Variants in CAMTA1 observed in about 807,000 individuals in gnomAD.
CAMTA1 encodes calmodulin binding transcription activator 1, also known as calmodulin-binding transcription activator 1.
CAMTA1 carries 27 observed loss-of-function variants against 170.9 expected under a neutral mutation model. The observed-to-expected ratio is 0.16, with a 90% CI of 0.12 to 0.22. The LOEUF (loss-of-function observed/expected upper bound fraction) is 0.22, where lower values mean the gene tolerates loss of function less well. Ranked by LOEUF, CAMTA1 falls within the 10% of genes least tolerant of loss-of-function variation. The pLI is 1.00. For synonymous variants in CAMTA1, 833 were observed against 891.5 expected (o/e 0.93, Z 1.17); for missense variants, 1,619 against 2,217.2 (o/e 0.73, Z 5.42).
At chr1:7,220,865 A>G (rs2149127347) in intron 4 of CAMTA1, among the ~76,000 whole-genome samples, 1 of 152,300 alleles carries the variant, frequency 6.6e-6, no homozygotes, top group African/African-American at 2.4e-5. Flanking sequence ...AGTGGTGGAG[A>G]GGATGAGGAC....
chr1:7,009,721 T>C (rs1370883589), intron 3 of CAMTA1, among the ~76,000 whole-genome samples: 1 of 152,236 alleles, frequency 6.6e-6, no homozygotes, highest in East Asian at 1.9e-4. Flanking sequence ...GCCTCCCAGC[T>C]TGACGTGCAC....
Position 7,759,156 on chromosome 1 carries a change from A to G in CAMTA1, c.4989+3488A>G, listed in dbSNP as rs2096955947. Reference sequence around the variant, plus strand: ...AGAGTGAGACCCTGTCCCAGAAAAGAAAAGAAAAGAAAAGAAAAATAATAT... The same window carrying G: ...AGAGTGAGACCCTGTCCCAGAAAAGGAAAGAAAAGAAAAGAAAAATAATAT... On this transcript the variant is annotated intron_variant, in intron 22 of 22. Transcript: ENST00000303635. 2.0e-5 allele frequency among the ~76,000 whole-genome samples: 3 copies of G among 152,002 alleles called. No individual in the cohort carries two copies. The South Asian group carries it at 6.2e-4, about 32-fold the overall frequency.
chr1:6,967,904 T>C lies in CAMTA1; in HGVS notation c.235-123400T>C, dbSNP rs148343240. Among the ~76,000 whole-genome samples, 999 of 152,308 alleles carry C rather than the reference T, an allele frequency of 6.6e-3. 6 individuals carry two copies. Among genetic ancestry groups the C allele is most frequent in the Non-Finnish European group, 9.9e-3 (673 of 68,022 alleles). On this transcript the variant is annotated intron_variant, in intron 3 of 22. Transcript: ENST00000303635. ...CCCTGGGTGACTCAGCTCTTAGTCTTAATTATGCTGCTATGTAAATATTTC... is the reference window on the plus strand; with the variant it reads ...CCCTGGGTGACTCAGCTCTTAGTCTCAATTATGCTGCTATGTAAATATTTC...
chr1:7,747,879 T>C (rs2096867469), intron 19 of CAMTA1, 98 bp downstream of exon 19: 5 of 644,370 alleles, frequency 7.8e-6, no homozygotes, highest in Non-Finnish European at 1.3e-5. Flanking sequence ...AGTACCTCAT[T>C]ACAGAGACTT....
At chr1:7,530,467 C>G (rs1290946088) in intron 6 of CAMTA1, among the ~76,000 whole-genome samples, 5 of 152,094 alleles carry the variant, frequency 3.3e-5, no homozygotes, top group Non-Finnish European at 7.4e-5. Context: ...TTATGGAAAT[C>G]AAGCCACTCC....
rs145037945 is a variant in CAMTA1 at position 7,570,154 on chromosome 1, T to TG, written c.511-70240dup. On this transcript the variant is annotated intron_variant, in intron 6 of 22. Coordinates refer to ENST00000303635, the MANE Select transcript of CAMTA1 (RefSeq NM_015215.4). The surrounding 1 kb of genome is among the most constrained non-coding windows in gnomAD (Gnocchi z 4.3). ...AGATCAGGGATCCCTTGCTGGGCACTGGGGGGATCCAAAACTCCCTGCAGG... is the reference window on the plus strand; with the variant it reads ...AGATCAGGGATCCCTTGCTGGGCACTGGGGGGGATCCAAAACTCCCTGCAGG... 5.3e-5 allele frequency among the ~76,000 whole-genome samples: 8 copies of TG among 152,004 alleles called. No individual in the cohort carries two copies. Among genetic ancestry groups the TG allele is most frequent in the African/African-American group, 1.9e-4 (8 of 41,370 alleles).
At position 7,737,019 on chromosome 1, in the gene CAMTA1, G is replaced by A; in HGVS notation, c.3342+10G>A. The A allele has an allele frequency of 6.3e-7, 1 of 1,595,084 alleles. No individual in the cohort carries two copies. Among genetic ancestry groups the A allele is most frequent in the Non-Finnish European group, 8.6e-7 (1 of 1,163,552 alleles). On this transcript the variant is annotated intron_variant, in intron 14 of 22. Coordinates refer to ENST00000303635, the MANE Select transcript of CAMTA1 (RefSeq NM_015215.4). The stretch of plus-strand genomic sequence containing the variant: ...CTCCTGTACTCCTCTGGTAAGGAAT[G>A]GATTCCTGTAGCCCCCCCTTGCTGT...
chr1:7,736,287 CT>C lies in CAMTA1; in HGVS notation c.3067-56del. 6.9e-7 allele frequency: 1 copy of C among 1,454,388 alleles called. No homozygotes were observed. The highest frequency in any genetic ancestry group is 1.8e-4 in the Middle Eastern group (1 of 5,710). 90.1% of individuals were successfully genotyped at this position (1,454,388 alleles called of 1,614,324 possible). ...CATTTGTTTCCCCTACATCGAAGCG[CT>C]GATGGGGTCGAGGGCCTTTAGTCCT... On this transcript the variant is annotated intron_variant, in intron 12 of 22. Coordinates refer to ENST00000303635, the MANE Select transcript of CAMTA1 (RefSeq NM_015215.4). The surrounding 1 kb of genome is among the most constrained non-coding windows in gnomAD (Gnocchi z 4.5).
At chr1:6,952,128 G>C (rs1688585977) in intron 3 of CAMTA1, among the ~76,000 whole-genome samples, 1 of 152,146 alleles carries the variant, frequency 6.6e-6, no homozygotes, top group African/African-American at 2.4e-5. Flanking sequence ...AGATGTTTCT[G>C]GCATCAAATG....
intron 4 of CAMTA1, among the ~76,000 whole-genome samples, chr1:7,104,514 G>GCCAGAGGAGCTCTGGGGGAACTGGATCC (rs1299714167): frequency 1.3e-5 from 2 of 152,212 alleles, no homozygotes; most frequent in African/African-American, 4.8e-5. Flanking sequence ...AGTGTGGAGA[G>GCCAGAGGAGCTCTGGGGGAACTGGATCC]CCAGAGGAGC....
At chr1:7,256,945 C>T (rs1667471856) in intron 5 of CAMTA1, among the ~76,000 whole-genome samples, 1 of 152,110 alleles carries the variant, frequency 6.6e-6, no homozygotes, top group Non-Finnish European at 1.5e-5. Context: ...TGCATCCTTA[C>T]ATGGTGGGAG....
rs796716220 is a variant in CAMTA1, at chr1:7,564,637, C to T, written c.511-75763C>T. 1.9e-4 allele frequency among the ~76,000 whole-genome samples: 29 copies of T among 151,192 alleles called. 1 individual carries two copies. Among genetic ancestry groups the T allele is most frequent in the African/African-American group, 5.3e-4 (22 of 41,264 alleles). On this transcript the variant is annotated intron_variant, in intron 6 of 22. Transcript: ENST00000303635. ...ATGTGCGGGTATGTACGTTTGCAGG[C>T]GTGTGTGTGTGTGTGCGTGTGACCC... is the stretch of plus-strand genomic sequence containing the variant.
intron 3 of CAMTA1, among the ~76,000 whole-genome samples, chr1:6,920,866 GGAACCCTGGGCCCA>G (rs1557828587): frequency 4.6e-5 from 7 of 152,190 alleles, no homozygotes; most frequent in Admixed American, 2.6e-4. Context: ...ACACTGCACG[GGAACCCTGGGCCCA>G]GCCCACGAAA....
intron 4 of CAMTA1, among the ~76,000 whole-genome samples, chr1:7,236,486 C>T (rs746864152): frequency 3.9e-5 from 6 of 152,222 alleles, no homozygotes; most frequent in East Asian, 3.9e-4. Context: ...GTAGCTGGGG[C>T]GTGCCAGGGA....
Position 7,286,097 on chromosome 1 carries a change from G to C in CAMTA1, c.438+36471G>C, listed in dbSNP as rs743969. Among the ~76,000 whole-genome samples, 548 of 152,286 alleles carry C rather than the reference G, an allele frequency of 3.6e-3. 21 individuals carry two copies. The highest frequency in any genetic ancestry group is 0.03 in the Admixed American group (464 of 15,286). ...AGATTCTGAAGACTCAGGGACCAGC[G>C]CCACATGGTCTCTGTTCTTGAGGTG... On this transcript the variant is annotated intron_variant, in intron 5 of 22. Transcript: ENST00000303635. This position sits in a 1 kb window ranked among gnomAD's most constrained non-coding sequence, Gnocchi z 4.2.
In CAMTA1 at chr1:6,854,965, A is replaced by G. The variant is rs562858549; in HGVS notation, c.234+29755A>G. ...AGACAGGGAAAGAGAAGTTGTTTTC[A>G]CTGTCACCAATTCTGTTTATTATTT... is the stretch of plus-strand genomic sequence containing the variant. On this transcript the variant is annotated intron_variant, in intron 3 of 22. Coordinates refer to ENST00000303635, the MANE Select transcript of CAMTA1 (RefSeq NM_015215.4). Among the ~76,000 whole-genome samples the G allele has an allele frequency of 2.6e-5, 4 of 152,278 alleles. No homozygotes were observed. In the South Asian group the frequency reaches 8.3e-4, roughly 32 times the overall value.
intron 4 of CAMTA1, among the ~76,000 whole-genome samples, chr1:7,166,412 G>C (rs1648441878): frequency 6.6e-6 from 1 of 152,220 alleles, no homozygotes; most frequent in Non-Finnish European, 1.5e-5. Context: ...TTGGGTGGTA[G>C]AGTACCTATA....
chr1:7,197,004 AT>A (rs950542292), intron 4 of CAMTA1, among the ~76,000 whole-genome samples: 19 of 151,984 alleles, frequency 1.3e-4, no homozygotes, highest in Admixed American at 3.3e-4. Context: ...AACGTTAGTC[AT>A]TTTTTTTCTA....
In CAMTA1 at chr1:7,456,654, G is replaced by A. The variant is rs1160326271; in HGVS notation, c.439-11176G>A. Among the ~76,000 whole-genome samples the A allele has an allele frequency of 6.6e-6, 1 of 152,198 alleles. No individual in the cohort carries two copies. The highest frequency in any genetic ancestry group is 2.4e-5 in the African/African-American group (1 of 41,468). Reference sequence around the variant, plus strand: ...AGCCTGTTCTTTGCTGGGGCCCGCAGGGAGCCAGGTATCAGGACAGATTTC... The same window carrying A: ...AGCCTGTTCTTTGCTGGGGCCCGCAAGGAGCCAGGTATCAGGACAGATTTC... On this transcript the variant is annotated intron_variant, in intron 5 of 22. Transcript: ENST00000303635. The surrounding 1 kb of genome is among the most constrained non-coding windows in gnomAD (Gnocchi z 4.9).
Sources: gnomAD v4.1 joint callset for allele counts (sites outside exome capture counted in the v4.1 genomes callset) on GRCh38, gnomAD v4.1.1 for gene constraint, Gnocchi (gnomAD v3.1) non-coding constraint, MANE v1.5 for transcripts, NCBI Gene and HGNC (gene_info 2026-07-23, HGNC 2026-07-21) for gene names.